Variants in EFL1 observed in about 807,000 individuals in gnomAD.
The protein encoded by EFL1 is elongation factor like GTPase 1, also known as elongation factor-like GTPase 1.
EFL1 carries 76 observed loss-of-function variants against 126.7 expected under a neutral mutation model. The observed-to-expected ratio is 0.60, with a 90% CI of 0.50 to 0.73. EFL1 has a LOEUF of 0.73. Among genes scored for constraint, EFL1 ranks in the 30% least tolerant of loss-of-function variants. The probability of loss-of-function intolerance (pLI) is 0.00; values close to 1 mark genes in which losing one functional copy is unlikely to be tolerated. For missense variants in EFL1, 1,128 were observed against 1,343.2 expected, an observed-to-expected ratio of 0.84 and a Z score of 2.50; for synonymous variants, 410 against 448.4, an observed-to-expected ratio of 0.91 and a Z score of 1.08.
intron 12 of EFL1, among the ~76,000 whole-genome samples, chr15:82,224,950 A>T (rs2074746485): frequency 6.6e-6 from 1 of 152,214 alleles, no homozygotes; most frequent in Non-Finnish European, 1.5e-5. Flanking sequence ...TCAATTCAAT[A>T]TTCCAGAGCT....
At chr15:82,220,656 CA>C (rs1178717177) in intron 12 of EFL1, among the ~76,000 whole-genome samples, 7 of 151,926 alleles carry the variant, frequency 4.6e-5, no homozygotes, top group Non-Finnish European at 8.8e-5. Flanking sequence ...TGAGTACTGG[CA>C]ATTCATCAGG....
At position 82,262,634 on chromosome 15, in the gene EFL1, G is replaced by A; in HGVS notation, c.-40C>T. 1 of 457,140 alleles carries A rather than the reference G, an allele frequency of 2.2e-6. No individual in the cohort carries two copies. The allele number at this position is 457,140 out of a possible 1,614,324, so 28.3% of individuals were successfully genotyped here. On this transcript the variant is annotated 5_prime_UTR_variant, in exon 1 of 20. Transcript: ENST00000268206. Reference sequence around the variant, plus strand: ...CTCACCGGCTGCAGCAGCCCCACCAGCCCCGCTCCTTCTCTCGGGTCGCAC... The same window carrying A: ...CTCACCGGCTGCAGCAGCCCCACCAACCCCGCTCCTTCTCTCGGGTCGCAC...
At chr15:82,143,076 T>C (rs1012261131) in intron 18 of EFL1, among the ~76,000 whole-genome samples, 3 of 152,122 alleles carry the variant, frequency 2.0e-5, no homozygotes, top group African/African-American at 7.3e-5. Context: ...TAAAGGTATG[T>C]TGTTTTTTTC....
intron 15 of EFL1, among the ~76,000 whole-genome samples, chr15:82,212,505 A>G (rs556134126): frequency 6.6e-6 from 1 of 152,374 alleles, no homozygotes; most frequent in South Asian, 2.1e-4. Context: ...CCAGATTTCA[A>G]TTAATAAAAG....
chr15:82,147,633 A>AG (rs1402914703), intron 18 of EFL1, among the ~76,000 whole-genome samples: 1 of 151,534 alleles, frequency 6.6e-6, no homozygotes, highest in African/African-American at 2.4e-5. Context: ...TAGTGAAAAA[A>AG]AAAAAAAAAA....
Position 82,229,050 on chromosome 15 carries a change from C to A in EFL1, c.916G>T (p.Asp306Tyr). 2 of 1,612,020 alleles carry A rather than the reference C, an allele frequency of 1.2e-6. No individual in the cohort carries two copies. Among genetic ancestry groups the A allele is most frequent in the Admixed American group, 3.3e-5 (2 of 59,830 alleles). ...GAGTCTTACTTTTTCAAAACAGCAT[C>A]ATACAAACTCCATATATTTTCCAGG... is the stretch of plus-strand genomic sequence containing the variant. ...LILENIWSLY[D>Y]AVLKKDKDKI... The change falls in exon 9 of 20, where the codon GAT (aspartate) becomes TAT (tyrosine). Residue 306 changes from aspartate (D) to tyrosine (Y), a missense_variant. Asp to Tyr is a radical substitution (Grantham distance 160, BLOSUM62 -3). Coordinates refer to ENST00000268206, the MANE Select transcript of EFL1 (RefSeq NM_024580.6).
intron 16 of EFL1, among the ~76,000 whole-genome samples, chr15:82,162,316 A>C (rs1309938567): frequency 1.3e-5 from 2 of 152,224 alleles, no homozygotes; most frequent in Non-Finnish European, 2.9e-5. Flanking sequence ...TTATGGCTTA[A>C]ATTATTTTTT....
chr15:82,162,960 A>T (rs2074038902), intron 16 of EFL1, among the ~76,000 whole-genome samples: 1 of 152,242 alleles, frequency 6.6e-6, no homozygotes, highest in African/African-American at 2.4e-5. Flanking sequence ...CTGGAATAGC[A>T]AAGTCACAGT....
chr15:82,161,766 T>C (rs1050463707), intron 16 of EFL1, among the ~76,000 whole-genome samples: 5 of 152,308 alleles, frequency 3.3e-5, no homozygotes, highest in African/African-American at 9.6e-5. Context: ...TATTAGACTA[T>C]CTCATTTATG....
At chr15:82,238,189 C>A in intron 7 of EFL1, 118 bp downstream of exon 7, 2 of 1,114,204 alleles carry the variant, frequency 1.8e-6, no homozygotes, top group Non-Finnish European at 2.5e-6. Context: ...GAACTCTCTG[C>A]ATTATCTCTT....
At chr15:82,222,888 C>T (rs569441297) in intron 12 of EFL1, among the ~76,000 whole-genome samples, 23 of 152,154 alleles carry the variant, frequency 1.5e-4, no homozygotes, top group Non-Finnish European at 2.4e-4. Flanking sequence ...AGAATGTTGA[C>T]CGAAGATTCA....
intron 15 of EFL1, among the ~76,000 whole-genome samples, chr15:82,202,897 C>T (rs1343328619): frequency 2.0e-5 from 3 of 151,788 alleles, no homozygotes; most frequent in Non-Finnish European, 2.9e-5. Context: ...CTGTAACCTC[C>T]GCCTCCCGGT....
At chr15:82,194,877 A>G (rs992340132) in intron 15 of EFL1, among the ~76,000 whole-genome samples, 1 of 152,254 alleles carries the variant, frequency 6.6e-6, no homozygotes, top group African/African-American at 2.4e-5. Context: ...GAGGCAAAGA[A>G]AACAAAATAG....
At position 82,152,267 on chromosome 15, in the gene EFL1, A is replaced by C. The variant is rs746184687; in HGVS notation, c.2187T>G (p.Pro729=). The change falls in exon 18 of 20, where the codon CCT becomes CCG. Residue 729 remains proline, a synonymous_variant. Transcript: ENST00000268206. ...CGTCAGAGTCAACTTGGATTCCTTC[A>C]GGGATTTTGCTTTGATCTTCTTTCA... The part of the protein sequence containing the change: ...HQMKEDQSKI[P]EGIQVDSDGL... 4 of 1,614,164 alleles carry C rather than the reference A, an allele frequency of 2.5e-6. No individual in the cohort carries two copies. In the South Asian group the frequency reaches 3.3e-5, roughly 13 times the overall value.
intron 15 of EFL1, among the ~76,000 whole-genome samples, chr15:82,196,351 A>C (rs2074408027): frequency 6.6e-6 from 1 of 152,184 alleles, no homozygotes; most frequent in South Asian, 2.1e-4. Flanking sequence ...GTCTCAGATT[A>C]TTTATAGGAG....
chr15:82,260,184 TTAAAG>T (rs1390271280), intron 2 of EFL1, among the ~76,000 whole-genome samples: 1 of 152,148 alleles, frequency 6.6e-6, no homozygotes, highest in Non-Finnish European at 1.5e-5. Flanking sequence ...AACAATACAT[TTAAAG>T]TAATTTGTTA....
chr15:82,221,093 T>C (rs1163235228), intron 12 of EFL1, among the ~76,000 whole-genome samples: 1 of 152,114 alleles, frequency 6.6e-6, no homozygotes, highest in Non-Finnish European at 1.5e-5. Flanking sequence ...TGCCCTATAC[T>C]CTGGGAAGTG....
At chr15:82,137,564 G>C (rs1023222721) in intron 19 of EFL1, among the ~76,000 whole-genome samples, 4 of 152,176 alleles carry the variant, frequency 2.6e-5, no homozygotes, top group Non-Finnish European at 5.9e-5. Flanking sequence ...AAAACTCAGG[G>C]AGGGTCCATG....
At chr15:82,250,015 A>G (rs1396909092) in intron 4 of EFL1, among the ~76,000 whole-genome samples, 4 of 152,104 alleles carry the variant, frequency 2.6e-5, no homozygotes, top group African/African-American at 9.7e-5. Flanking sequence ...TTCTCAAATA[A>G]GAGGGCATTC....
Sources: gnomAD v4.1 joint callset for allele counts (sites outside exome capture counted in the v4.1 genomes callset) on GRCh38, gnomAD v4.1.1 for gene constraint, MANE v1.5 for transcripts, NCBI Gene and HGNC (gene_info 2026-07-23, HGNC 2026-07-21) for gene names.